The following GALNTL6 variants were observed in gnomAD, a reference collection of about 807,000 sequenced individuals.
GALNTL6 encodes polypeptide N-acetylgalactosaminyltransferase like 6, also known as polypeptide N-acetylgalactosaminyltransferase-like 6.
In GALNTL6, 46 loss-of-function variants were observed where a neutral mutation model predicts 73.7. The ratio of observed to expected loss-of-function variants is 0.62; its 90% CI spans 0.49 to 0.80. GALNTL6 has a LOEUF of 0.80. Among genes scored for constraint, GALNTL6 ranks in the 30% least tolerant of loss-of-function variants. GALNTL6 has a pLI of 0.00. For missense variants in GALNTL6, 604 were observed against 755.0 expected (o/e 0.80, Z 2.34); for synonymous variants, 259 against 263.7 (o/e 0.98, Z 0.17).
At chr4:172,271,959 ATT>A (rs58309766) in intron 3 of GALNTL6, among the ~76,000 whole-genome samples, 1 of 146,624 alleles carries the variant, frequency 6.8e-6, no homozygotes, top group African/African-American at 2.7e-5. Context: ...ATATATATAT[ATT>A]TTTTTTTATG....
At chr4:171,874,516 G>A (rs951599558) in intron 2 of GALNTL6, among the ~76,000 whole-genome samples, 3 of 152,080 alleles carry the variant, frequency 2.0e-5, no homozygotes, top group Non-Finnish European at 2.9e-5. Context: ...AAATTTCCTA[G>A]GGAAAAGTCA....
At chr4:172,173,332 G>C (rs560388596) in intron 2 of GALNTL6, among the ~76,000 whole-genome samples, 56 of 152,326 alleles carry the variant, frequency 3.7e-4, no homozygotes, top group Non-Finnish European at 1.6e-4. Flanking sequence ...TCCTGGCAGG[G>C]AACTGGGGGA....
At chr4:172,810,228 C>A (rs1741211177) in intron 6 of GALNTL6, among the ~76,000 whole-genome samples, 1 of 152,116 alleles carries the variant, frequency 6.6e-6, no homozygotes, top group African/African-American at 2.4e-5. Context: ...TCATAACACA[C>A]TTGAACTGTT....
chr4:172,438,650 A>C (rs1345802716), intron 5 of GALNTL6, among the ~76,000 whole-genome samples: 1 of 152,112 alleles, frequency 6.6e-6, no homozygotes, highest in Non-Finnish European at 1.5e-5. Context: ...AGTGCAGTTA[A>C]AAGTGACTAG....
At chr4:172,749,299 T>G (rs905740521) in intron 5 of GALNTL6, among the ~76,000 whole-genome samples, 6 of 152,154 alleles carry the variant, frequency 3.9e-5, no homozygotes, top group Non-Finnish European at 7.3e-5. Flanking sequence ...CTAATCTTGA[T>G]AGTCTTTACA....
chr4:172,877,191 G>T, intron 7 of GALNTL6, among the ~76,000 whole-genome samples: 1 of 152,022 alleles, frequency 6.6e-6, no homozygotes, highest in East Asian at 1.9e-4. Context: ...CTTTAAATAT[G>T]ATGTCTTTTT....
At chr4:172,275,781 AC>A (rs1271954019) in intron 3 of GALNTL6, among the ~76,000 whole-genome samples, 1 of 152,022 alleles carries the variant, frequency 6.6e-6, no homozygotes, top group Non-Finnish European at 1.5e-5. Flanking sequence ...ACATGGTGAA[AC>A]CCCGTCTCTA....
intron 5 of GALNTL6, among the ~76,000 whole-genome samples, chr4:172,575,618 T>A (rs1165185234): frequency 2.6e-5 from 4 of 152,234 alleles, no homozygotes; most frequent in African/African-American, 4.8e-5. Context: ...TGTTTAAAAG[T>A]CATATATAAA....
intron 2 of GALNTL6, among the ~76,000 whole-genome samples, chr4:171,856,263 C>T (rs76064406): frequency 1.2e-3 from 162 of 134,586 alleles, no homozygotes; most frequent in Middle Eastern, 3.9e-3. Flanking sequence ...CCACCACACC[C>T]GGCTACTTTT....
intron 3 of GALNTL6, among the ~76,000 whole-genome samples, chr4:172,239,051 C>T (rs1560984813): frequency 6.6e-6 from 1 of 151,916 alleles, no homozygotes; most frequent in Non-Finnish European, 1.5e-5. Context: ...AAGATATTAG[C>T]CTATAATTTT....
intron 8 of GALNTL6, among the ~76,000 whole-genome samples, chr4:172,889,888 CT>C (rs897554870): frequency 6.6e-6 from 1 of 151,870 alleles, no homozygotes; most frequent in African/African-American, 2.4e-5. Flanking sequence ...CTGGTCCGGC[CT>C]TTTTTTGTTT....
intron 5 of GALNTL6, among the ~76,000 whole-genome samples, chr4:172,527,843 A>G (rs1306704868): frequency 6.6e-6 from 1 of 152,156 alleles, no homozygotes; most frequent in African/African-American, 2.4e-5. Context: ...TATGTTCCAC[A>G]CATTATATGT....
chr4:172,608,683 T>C (rs572926010), intron 5 of GALNTL6, among the ~76,000 whole-genome samples: 9 of 152,246 alleles, frequency 5.9e-5, no homozygotes, highest in African/African-American at 1.9e-4. Flanking sequence ...AAAAATGTCA[T>C]TGTTTGTTTG....
At chr4:172,973,881 G>A (rs562715715) in intron 10 of GALNTL6, among the ~76,000 whole-genome samples, 14 of 152,264 alleles carry the variant, frequency 9.2e-5, no homozygotes, top group African/African-American at 2.2e-4. Context: ...ACTTCGAAAC[G>A]CTCCAGTAAA....
intron 10 of GALNTL6, among the ~76,000 whole-genome samples, chr4:172,965,349 G>A (rs1476450964): frequency 6.6e-6 from 1 of 152,162 alleles, no homozygotes; most frequent in Non-Finnish European, 1.5e-5. Context: ...CACTTTGGGA[G>A]GCTGAGGCAG....
At chr4:172,846,542 G>A (rs565047788) in intron 7 of GALNTL6, among the ~76,000 whole-genome samples, 178 of 151,576 alleles carry the variant, frequency 1.2e-3, no homozygotes, top group Non-Finnish European at 4.4e-4. Flanking sequence ...AACAATAATA[G>A]CAATAGATTT....
intron 2 of GALNTL6, among the ~76,000 whole-genome samples, chr4:171,950,624 C>T (rs1423070455): frequency 4.0e-5 from 6 of 151,660 alleles, no homozygotes; most frequent in East Asian, 1.9e-4. Flanking sequence ...GGACTACAGG[C>T]GGGCACCACC....
At chr4:172,274,786 GA>G (rs1738773127) in intron 3 of GALNTL6, among the ~76,000 whole-genome samples, 1 of 152,118 alleles carries the variant, frequency 6.6e-6, no homozygotes, top group South Asian at 2.1e-4. Context: ...GAATAAAAGT[GA>G]ATTACTTTTT....
chr4:172,215,459 G>T (rs1736467351), intron 2 of GALNTL6, among the ~76,000 whole-genome samples: 1 of 152,074 alleles, frequency 6.6e-6, no homozygotes. Flanking sequence ...TCTTCTTGGA[G>T]AACTAACCAG....
Sources: allele counts gnomAD v4.1 joint callset (sites outside exome capture counted in the v4.1 genomes callset), GRCh38; gene constraint gnomAD v4.1.1; transcripts MANE v1.5; gene names NCBI Gene and HGNC (gene_info 2026-07-23, HGNC 2026-07-21).